DEPDC4: variants seen among roughly 807,000 people sequenced by gnomAD.
DEPDC4 encodes DEP domain-containing protein 4.
A neutral mutation model predicts 52.0 loss-of-function variants in DEPDC4; 52 were observed. That is an observed-to-expected ratio of 1.00 (90% CI 0.80 to 1.26). The LOEUF (loss-of-function observed/expected upper bound fraction) is 1.26. DEPDC4 is among the 50% of genes most tolerant of loss of function. DEPDC4 has a pLI of 0.00. For missense variants in DEPDC4, 530 were observed against 546.9 expected, an observed-to-expected ratio of 0.97 and a Z score of 0.31; for synonymous variants, 201 against 196.8, an observed-to-expected ratio of 1.02 and a Z score of -0.18.
At chr12:100,270,349 C>G (rs78880229), upstream of DEPDC4, among the ~76,000 whole-genome samples, 1 of 152,132 alleles carries the variant, frequency 6.6e-6, no homozygotes, top group Non-Finnish European at 1.5e-5. Context: ...ATCATTTAAT[C>G]TAATTTCCTA....
intron 3 of DEPDC4, among the ~76,000 whole-genome samples, chr12:100,257,192 C>T (rs1249359211): frequency 6.6e-6 from 1 of 151,972 alleles, no homozygotes; most frequent in Non-Finnish European, 1.5e-5. Context: ...ATTCTCCTGC[C>T]TTAGCCTCCA....
At chr12:100,268,246 A>T (rs1344686), upstream of DEPDC4, among the ~76,000 whole-genome samples, 1 of 152,190 alleles carries the variant, frequency 6.6e-6, no homozygotes, top group South Asian at 2.1e-4. Flanking sequence ...ATTGGATACT[A>T]TGAGTGAGTT....
the DEPDC4 span, among the ~76,000 whole-genome samples, chr12:100,281,871 T>A: frequency 6.6e-6 from 1 of 151,962 alleles, no homozygotes; most frequent in Non-Finnish European, 1.5e-5. Flanking sequence ...ATTTATTGCT[T>A]AGTAAAGTGT....
At chr12:100,277,215 T>A in the DEPDC4 span, among the ~76,000 whole-genome samples, 3 of 152,242 alleles carry the variant, frequency 2.0e-5, no homozygotes, top group African/African-American at 4.8e-5. Flanking sequence ...TTTTAGTGAA[T>A]GTTACATGTC....
chr12:100,262,400 A>C lies in DEPDC4; in HGVS notation c.564T>G (p.Tyr188Ter), dbSNP rs374260139. The change falls in exon 3 of 10, where the codon TAT becomes TAG. Residue 188 changes from tyrosine (Y) to a stop codon, truncating the protein, a stop_gained. Transcript: ENST00000550587. LOFTEE classifies it high-confidence loss of function. ...NEFNETLRPG[Y>*]EMISNPLAQE... Reference sequence around the variant, plus strand: ...GTGCTAGAGGATTTGAAATCATTTCATATCCTGGTCTGTTAAAAAATAATA... The same window carrying C: ...GTGCTAGAGGATTTGAAATCATTTCCTATCCTGGTCTGTTAAAAAATAATA... The C allele has an allele frequency of 2.5e-6, 4 of 1,606,988 alleles. No homozygotes were observed. The highest frequency in any genetic ancestry group is 2.7e-5 in the African/African-American group (2 of 74,554).
the DEPDC4 span, among the ~76,000 whole-genome samples, chr12:100,276,298 T>C: frequency 1.3e-5 from 2 of 152,168 alleles, no homozygotes; most frequent in South Asian, 4.1e-4. Flanking sequence ...CTGTTATTGG[T>C]CATTTGTGTC....
chr12:100,252,028 C>T (rs1224073794), intron 7 of DEPDC4, 148 bp downstream of exon 7: 3 of 699,908 alleles, frequency 4.3e-6, no homozygotes, highest in African/African-American at 2.0e-5. Context: ...CTGCTTTCTT[C>T]TCTTTTGTGG....
chr12:100,273,734 T>TC, the DEPDC4 span, among the ~76,000 whole-genome samples: 1 of 152,166 alleles, frequency 6.6e-6, no homozygotes, highest in Non-Finnish European at 1.5e-5. Flanking sequence ...GAATACTCCT[T>TC]CCCCCCTTAC....
the DEPDC4 span, among the ~76,000 whole-genome samples, chr12:100,273,927 T>C: frequency 6.6e-6 from 1 of 152,200 alleles, no homozygotes; most frequent in Non-Finnish European, 1.5e-5. Flanking sequence ...CAGGCAGCGT[T>C]AGAGGAATAG....
At chr12:100,270,660 A>T (rs1284068646), upstream of DEPDC4, among the ~76,000 whole-genome samples, 1 of 148,638 alleles carries the variant, frequency 6.7e-6, no homozygotes, top group East Asian at 2.0e-4. Context: ...ATTTACATAG[A>T]GACAGGGTCT....
At chr12:100,278,002 ATATACT>A in the DEPDC4 span, among the ~76,000 whole-genome samples, 2 of 152,164 alleles carry the variant, frequency 1.3e-5, no homozygotes, top group Non-Finnish European at 2.9e-5. Flanking sequence ...TCTTTAAAAA[ATATACT>A]TATATTTCCC....
Position 100,248,906 on chromosome 12 carries a change from T to C in DEPDC4, c.1447A>G (p.Ile483Val), listed in dbSNP as rs563183710. 3.0e-6 allele frequency: 3 copies of C among 985,216 alleles called. No individual in the cohort carries two copies. Among genetic ancestry groups the C allele is most frequent in the East Asian group, 1.1e-4 (1 of 8,806 alleles). 61.0% of individuals were successfully genotyped at this position (985,216 alleles called of 1,614,324 possible). A position where few individuals can be genotyped will look rare whatever the true frequency, so the allele number is the denominator to read the frequency against. ...AACAAGCTGGAATCCATACCTGATA[T>C]GGCATCTGCATCTTCTCCATGTAGA... ...KLLHGEDADA[I>V]SGMAENNSYT... The change falls in exon 8 of 10, where the codon ATA becomes GTA. Residue 483 changes from isoleucine (I) to valine (V), a missense_variant. By Grantham distance (29) the Ile-to-Val change is conservative (BLOSUM62 3). Coordinates refer to ENST00000550587, the MANE Select transcript of DEPDC4 (RefSeq NM_001364818.2).
chr12:100,255,893 C>T (rs2096230377), intron 4 of DEPDC4, 156 bp downstream of exon 4: 1 of 548,320 alleles, frequency 1.8e-6, no homozygotes, highest in East Asian at 2.9e-5. Flanking sequence ...TGACCAATGG[C>T]TTTATTAGAT....
chr12:100,267,131 C>T, upstream of DEPDC4: 14 of 1,577,772 alleles, frequency 8.9e-6, no homozygotes, highest in South Asian at 1.6e-4. Context: ...CCGCCTCTTC[C>T]GAACCGGCAG....
chr12:100,266,981 T>C lies in DEPDC4; in HGVS notation c.96A>G (p.Pro32=), dbSNP rs138623297. 7.2e-3 allele frequency: 11,601 copies of C among 1,614,054 alleles called. 54 individuals are homozygous for C. The highest frequency in any genetic ancestry group is 8.9e-3 in the Non-Finnish European group (10,527 of 1,179,968). The change falls in exon 1 of 10, where the codon CCA becomes CCG. Residue 32 remains proline, a synonymous_variant. Coordinates refer to ENST00000550587, the MANE Select transcript of DEPDC4 (RefSeq NM_001364818.2). ...TCCTGGAACTTGGCCCGTTCAGCCCTGGGCCCGGAAGCTCGTTCTGACTGA... is the reference window on the plus strand; with the variant it reads ...TCCTGGAACTTGGCCCGTTCAGCCCCGGGCCCGGAAGCTCGTTCTGACTGA... ...RLVSQNELPG[P]GLNGPSSRNR...
chr12:100,233,333 C>T (rs1439254845), intron 9 of DEPDC4, among the ~76,000 whole-genome samples: 3 of 152,178 alleles, frequency 2.0e-5, no homozygotes, highest in East Asian at 1.9e-4. Context: ...AAAATGTTCT[C>T]GGCAACCCAG....
Position 100,240,321 on chromosome 12 carries a change from A to C in DEPDC4, c.*1571T>G, listed in dbSNP as rs1454069610. ...AGGTGTGGGCTGCCACACCTGGCTAAATTTTTTTTTTGTAGTTTTTGTAGA... is the reference window on the plus strand; with the variant it reads ...AGGTGTGGGCTGCCACACCTGGCTACATTTTTTTTTTGTAGTTTTTGTAGA... On this transcript the variant is annotated 3_prime_UTR_variant, in exon 10 of 10. Coordinates refer to ENST00000550587, the MANE Select transcript of DEPDC4 (RefSeq NM_001364818.2). Among the ~76,000 whole-genome samples the C allele has an allele frequency of 2.0e-5, 3 of 151,914 alleles. No individual in the cohort carries two copies. Among genetic ancestry groups the C allele is most frequent in the African/African-American group, 7.3e-5 (3 of 41,352 alleles).
At chr12:100,275,977 C>A in the DEPDC4 span, among the ~76,000 whole-genome samples, 1 of 152,018 alleles carries the variant, frequency 6.6e-6, no homozygotes, top group African/African-American at 2.4e-5. Context: ...TACATGGATT[C>A]ATTTTTAAAA....
chr12:100,270,267 G>A (rs1341813664), upstream of DEPDC4, among the ~76,000 whole-genome samples: 1 of 152,062 alleles, frequency 6.6e-6, no homozygotes, highest in Admixed American at 6.6e-5. Context: ...GATTAAAGGC[G>A]TGAGCCACCG....
Sources: allele counts gnomAD v4.1 joint callset (sites outside exome capture counted in the v4.1 genomes callset), GRCh38; gene constraint gnomAD v4.1.1; transcripts MANE v1.5; gene names NCBI Gene and HGNC (gene_info 2026-07-23, HGNC 2026-07-21).